TPST1: variants seen among roughly 807,000 people sequenced by gnomAD.
The protein encoded by TPST1 is tyrosylprotein sulfotransferase 1.
In TPST1, 20 loss-of-function variants were observed where a neutral mutation model predicts 34.8. That is an observed-to-expected ratio of 0.57 (90% confidence interval 0.40 to 0.84). The LOEUF is 0.84. Among genes scored for constraint, TPST1 ranks in the 40% least tolerant of loss-of-function variants. TPST1 has a pLI of 0.00. For synonymous variants in TPST1, 152 were observed against 159.4 expected (o/e 0.95, Z 0.35); for missense variants, 353 against 455.5 (o/e 0.78, Z 2.05).
intron 2 of TPST1, among the ~76,000 whole-genome samples, chr7:66,275,467 A>G (rs940402829): frequency 7.9e-5 from 12 of 152,216 alleles, no homozygotes; most frequent in African/African-American, 2.7e-4. Context: ...CAAGATATCA[A>G]CCCAAGCATC....
chr7:66,334,051 A>C (rs1404008909), intron 3 of TPST1, among the ~76,000 whole-genome samples: 2 of 152,234 alleles, frequency 1.3e-5, no homozygotes, highest in African/African-American at 4.8e-5. Context: ...GAAGCAAGCC[A>C]GTTCACCCTG....
At chr7:66,253,490 T>TG (rs1288292224) in intron 2 of TPST1, among the ~76,000 whole-genome samples, 1 of 151,098 alleles carries the variant, frequency 6.6e-6, no homozygotes, top group African/African-American at 2.4e-5. Flanking sequence ...CATGCCTCAA[T>TG]TCTCCCGAGT....
intron 3 of TPST1, among the ~76,000 whole-genome samples, chr7:66,330,956 G>A (rs1307337582): frequency 6.6e-6 from 1 of 152,164 alleles, no homozygotes; most frequent in Non-Finnish European, 1.5e-5. Flanking sequence ...AGGAATCCAG[G>A]CAAAGCTACC....
At chr7:66,203,864 T>C (rs141973697), upstream of TPST1, among the ~76,000 whole-genome samples, 1,158 of 152,172 alleles carry the variant, frequency 7.6e-3, 17 homozygotes, top group African/African-American at 0.026. Flanking sequence ...TGTCCATCAA[T>C]GGATTAATGG....
intron 1 of TPST1, among the ~76,000 whole-genome samples, chr7:66,238,777 A>G (rs568570116): frequency 4.9e-4 from 74 of 152,334 alleles, no homozygotes; most frequent in African/African-American, 1.7e-3. Flanking sequence ...GTTGACACAT[A>G]AAATTAACTG....
chr7:66,303,306 G>A (rs1472241556), intron 3 of TPST1, among the ~76,000 whole-genome samples: 1 of 151,886 alleles, frequency 6.6e-6, no homozygotes, highest in African/African-American at 2.4e-5. Context: ...GAATAAGATA[G>A]TTTTAAAAGT....
At chr7:66,303,690 G>T (rs369844197) in intron 3 of TPST1, among the ~76,000 whole-genome samples, 1 of 152,062 alleles carries the variant, frequency 6.6e-6, no homozygotes, top group East Asian at 1.9e-4. Context: ...GATTACAGGC[G>T]TGAGTCACTG....
intron 3 of TPST1, among the ~76,000 whole-genome samples, chr7:66,306,147 C>G (rs2116080353): frequency 6.6e-6 from 1 of 152,250 alleles, no homozygotes; most frequent in South Asian, 2.1e-4. Context: ...GCACGTCTCT[C>G]TCTCTCTCTC....
At chr7:66,345,489 C>CAAA (rs58837242) in intron 3 of TPST1, among the ~76,000 whole-genome samples, 12 of 64,864 alleles carry the variant, frequency 1.9e-4, no homozygotes, top group African/African-American at 3.3e-4. Context: ...ACTCCATCTC[C>CAAA]AAAAAAAAAA....
At chr7:66,300,106 A>G (rs1297451728) in intron 3 of TPST1, among the ~76,000 whole-genome samples, 1 of 152,220 alleles carries the variant, frequency 6.6e-6, no homozygotes, top group Non-Finnish European at 1.5e-5. Flanking sequence ...GCCTTCAGCA[A>G]GTCATAATCA....
chr7:66,226,017 G>C (rs1405115482), intron 1 of TPST1, among the ~76,000 whole-genome samples: 2 of 152,008 alleles, frequency 1.3e-5, no homozygotes, highest in East Asian at 3.9e-4. Context: ...CTCCCGAGTA[G>C]CTGGGAATAC....
intron 3 of TPST1, among the ~76,000 whole-genome samples, chr7:66,292,832 C>T (rs904115837): frequency 2.0e-5 from 3 of 151,556 alleles, no homozygotes; most frequent in African/African-American, 7.3e-5. Context: ...GTCGCTCACG[C>T]TGGGAGCTGT....
At chr7:66,298,954 C>G (rs574621186) in intron 3 of TPST1, among the ~76,000 whole-genome samples, 6 of 151,944 alleles carry the variant, frequency 3.9e-5, no homozygotes, top group African/African-American at 1.2e-4. Context: ...AAACCCCCGT[C>G]TCTACTAAAA....
At chr7:66,326,957 T>C (rs1445628710) in intron 3 of TPST1, among the ~76,000 whole-genome samples, 1 of 152,218 alleles carries the variant, frequency 6.6e-6, no homozygotes, top group African/African-American at 2.4e-5. Context: ...TGCCAAAATA[T>C]TTTGAAACAA....
chr7:66,343,489 C>A (rs907708872), intron 3 of TPST1, among the ~76,000 whole-genome samples: 3 of 152,018 alleles, frequency 2.0e-5, no homozygotes, highest in African/African-American at 7.2e-5. Flanking sequence ...ATCAGTTGTA[C>A]CCCAGACGTC....
intron 2 of TPST1, among the ~76,000 whole-genome samples, chr7:66,276,385 T>TATATATA (rs1431495136): frequency 8.0e-5 from 11 of 137,670 alleles, no homozygotes; most frequent in African/African-American, 1.4e-4. Context: ...TATATATGTA[T>TATATATA]TTTTTTGAGG....
intron 1 of TPST1, among the ~76,000 whole-genome samples, chr7:66,210,339 G>C (rs137918895): frequency 1.5e-3 from 234 of 152,362 alleles, no homozygotes; most frequent in African/African-American, 5.4e-3. Flanking sequence ...TCGCCTGAGA[G>C]AGCAGTTGGC....
rs141029917 is a variant in TPST1, at chr7:66,322,180, T to G, written c.1045-30325T>G. 7.9e-5 allele frequency among the ~76,000 whole-genome samples: 12 copies of G among 152,330 alleles called. No individual in the cohort carries two copies. The East Asian group carries it at 1.3e-3, about 17-fold the overall frequency. ...CCTCCTATGTTATCTAATGAAAAGT[T>G]TATTGCTTTACCTTTCTCTTTTAGA... On this transcript the variant is annotated intron_variant, in intron 3 of 5. Transcript: ENST00000304842.
chr7:66,199,672 C>T, the TPST1 span, among the ~76,000 whole-genome samples: 9 of 151,130 alleles, frequency 6.0e-5, no homozygotes, highest in Admixed American at 4.6e-4. Context: ...GTGCCAGACC[C>T]GAGAATGAAA....
Sources: allele counts gnomAD v4.1 joint callset (sites outside exome capture counted in the v4.1 genomes callset), GRCh38; gene constraint gnomAD v4.1.1; transcripts MANE v1.5; gene names NCBI Gene and HGNC (gene_info 2026-07-23, HGNC 2026-07-21).